Variants in VTCN1 observed in about 807,000 individuals in gnomAD.
VTCN1 encodes V-set domain containing T cell activation inhibitor 1.
In VTCN1, 26 loss-of-function variants were observed where a neutral mutation model predicts 26.5. The observed-to-expected ratio is 0.98, with a 90% CI of 0.72 to 1.36. VTCN1 has a LOEUF of 1.36. VTCN1 is among the 40% of genes most tolerant of loss of function. The pLI is 0.00. For synonymous variants in VTCN1, 116 were observed against 130.7 expected (o/e 0.89, Z 0.77); for missense variants, 298 against 337.7 (o/e 0.88, Z 0.92).
At chr1:117,196,615 GTC>G (rs1291148680) in intron 1 of VTCN1, among the ~76,000 whole-genome samples, 1 of 150,702 alleles carries the variant, frequency 6.6e-6, no homozygotes, top group East Asian at 1.9e-4. Context: ...TAAGAGTACA[GTC>G]TAACTCTTTT....
chr1:117,176,369 C>T (rs1452968879), intron 1 of VTCN1, among the ~76,000 whole-genome samples: 1 of 152,188 alleles, frequency 6.6e-6, no homozygotes, highest in Non-Finnish European at 1.5e-5. Context: ...GAAAAAGTGG[C>T]AGGAGGCCTC....
At chr1:117,190,528 C>G (rs1486728687) in intron 1 of VTCN1, among the ~76,000 whole-genome samples, 1 of 152,218 alleles carries the variant, frequency 6.6e-6, no homozygotes, top group Non-Finnish European at 1.5e-5. Flanking sequence ...CACCTGATAA[C>G]AAGCCCACTG....
chr1:117,194,044 T>A (rs571740401), intron 1 of VTCN1, among the ~76,000 whole-genome samples: 4 of 152,158 alleles, frequency 2.6e-5, no homozygotes, highest in Non-Finnish European at 5.9e-5. Flanking sequence ...AGAAATCTTC[T>A]GCACAGCGAA....
intron 1 of VTCN1, among the ~76,000 whole-genome samples, chr1:117,205,478 C>A (rs1649013278): frequency 6.6e-6 from 1 of 152,070 alleles, no homozygotes; most frequent in South Asian, 2.1e-4. Context: ...ATAATTCTTA[C>A]TGAGTTTCAG....
At position 117,153,103 on chromosome 1, in the gene VTCN1, T is replaced by C; in HGVS notation, c.712A>G (p.Ile238Val). 1 of 1,606,574 alleles carries C rather than the reference T, an allele frequency of 6.2e-7. No individual in the cohort carries two copies. Residue 238 changes from isoleucine to valine, a missense_variant, in exon 4 of 6, where the codon ATC (isoleucine) becomes GTC (valine). Ile to Val is a conservative substitution (Grantham distance 29). Coordinates refer to ENST00000369458, the MANE Select transcript of VTCN1 (RefSeq NM_024626.4). ...ENDIAKATGDIKVTESEIKRR... is the reference protein window; with the variant it reads ...ENDIAKATGDVKVTESEIKRR... ...TGCAGGAACCCACCTGTCACTTTGATATCCCCTGTTGCTTTGGCAATGTCA... is the reference window on the plus strand; with the variant it reads ...TGCAGGAACCCACCTGTCACTTTGACATCCCCTGTTGCTTTGGCAATGTCA...
At chr1:117,186,579 G>A (rs1476812346) in intron 1 of VTCN1, among the ~76,000 whole-genome samples, 1 of 152,200 alleles carries the variant, frequency 6.6e-6, no homozygotes, top group African/African-American at 2.4e-5. Flanking sequence ...TAGTTATTGT[G>A]AAGGAAAAGA....
Position 117,159,877 on chromosome 1 carries a change from C to T in VTCN1, c.98-2956G>A, listed in dbSNP as rs1315084549. Reference sequence around the variant, plus strand: ...TTGATTTTTGGTTTAAAATGAAAGCCACCCTCTCCTCTACTGACATACCAC... The same window carrying T: ...TTGATTTTTGGTTTAAAATGAAAGCTACCCTCTCCTCTACTGACATACCAC... On this transcript the variant is annotated intron_variant, in intron 2 of 5. Transcript: ENST00000369458. This position sits in a 1 kb window ranked among gnomAD's most constrained non-coding sequence, Gnocchi z 4.7. 6.6e-6 allele frequency among the ~76,000 whole-genome samples: 1 copy of T among 152,094 alleles called. No homozygotes were observed. Among genetic ancestry groups the T allele is most frequent in the African/African-American group, 2.4e-5 (1 of 41,414 alleles).
intron 1 of VTCN1, among the ~76,000 whole-genome samples, chr1:117,188,660 ACTGAGCTCAT>A (rs777606480): frequency 2.2e-4 from 34 of 152,212 alleles, no homozygotes; most frequent in Non-Finnish European, 4.3e-4. Flanking sequence ...TAAATGCTAA[ACTGAGCTCAT>A]CTGATTTTGG....
chr1:117,203,344 G>C (rs1648881353), intron 1 of VTCN1, among the ~76,000 whole-genome samples: 1 of 152,016 alleles, frequency 6.6e-6, no homozygotes, highest in Non-Finnish European at 1.5e-5. Context: ...ACAATGAGGA[G>C]GTGAGGCAGG....
chr1:117,188,919 T>C (rs1382152686), intron 1 of VTCN1, among the ~76,000 whole-genome samples: 1 of 152,184 alleles, frequency 6.6e-6, no homozygotes, highest in Non-Finnish European at 1.5e-5. Flanking sequence ...TCTTAATTAT[T>C]ATATATAAGT....
Position 117,146,826 on chromosome 1 carries a change from G to C in VTCN1, c.*45+787C>G, listed in dbSNP as rs1028461826. ...TTCAGAATACTTCGATTCTGGCACC[G>C]TGTTTCCTATCAGCTAAAACAGGGA... On this transcript the variant is annotated intron_variant, in intron 5 of 5. Coordinates refer to ENST00000369458, the MANE Select transcript of VTCN1 (RefSeq NM_024626.4). The surrounding 1 kb of genome is among the most constrained non-coding windows in gnomAD (Gnocchi z 4.2). Among the ~76,000 whole-genome samples, 1 of 152,154 alleles carries C rather than the reference G, an allele frequency of 6.6e-6. No individual in the cohort carries two copies. Among genetic ancestry groups the C allele is most frequent in the Non-Finnish European group, 1.5e-5 (1 of 68,022 alleles).
chr1:117,199,416 C>T (rs1648682508), intron 1 of VTCN1, among the ~76,000 whole-genome samples: 1 of 152,180 alleles, frequency 6.6e-6, no homozygotes, highest in African/African-American at 2.4e-5. Context: ...AACTCTGCCT[C>T]ACAGGCTCAA....
chr1:117,149,393 G>T (rs1303833457), intron 4 of VTCN1, among the ~76,000 whole-genome samples: 1 of 149,648 alleles, frequency 6.7e-6, no homozygotes, highest in Admixed American at 6.7e-5. Context: ...TTTCACATTT[G>T]CATCACCAAG....
chr1:117,173,525 T>C (rs1204913606), intron 1 of VTCN1, among the ~76,000 whole-genome samples: 1 of 152,214 alleles, frequency 6.6e-6, no homozygotes, highest in East Asian at 1.9e-4. Flanking sequence ...CCTGCAGACA[T>C]GTCCATCCTG....
At chr1:117,176,680 TA>T (rs1164534741) in intron 1 of VTCN1, among the ~76,000 whole-genome samples, 2 of 152,252 alleles carry the variant, frequency 1.3e-5, no homozygotes, top group Non-Finnish European at 2.9e-5. Flanking sequence ...TTTATTTGAA[TA>T]TACCAAGGAG....
chr1:117,193,768 T>G (rs1318055346), intron 1 of VTCN1, among the ~76,000 whole-genome samples: 1 of 152,048 alleles, frequency 6.6e-6, no homozygotes, highest in Non-Finnish European at 1.5e-5. Flanking sequence ...ACATAGAACA[T>G]TCCATCCAAC....
intron 2 of VTCN1, among the ~76,000 whole-genome samples, chr1:117,160,593 G>C (rs1652316968): frequency 6.6e-6 from 1 of 152,148 alleles, no homozygotes; most frequent in South Asian, 2.1e-4. Context: ...ATACATATTA[G>C]CCCTTATTGC....
At chr1:117,185,607 A>C (rs953448741) in intron 1 of VTCN1, among the ~76,000 whole-genome samples, 3 of 152,166 alleles carry the variant, frequency 2.0e-5, no homozygotes, top group African/African-American at 7.2e-5. Context: ...TTAGAATTCA[A>C]GAAAAGCCCA....
At position 117,147,910 on chromosome 1, in the gene VTCN1, C is replaced by A; in HGVS notation, c.725-128G>T. 1 of 1,271,124 alleles carries A rather than the reference C, an allele frequency of 7.9e-7. No homozygotes were observed. Among genetic ancestry groups the A allele is most frequent in the Non-Finnish European group, 1.1e-6 (1 of 929,820 alleles). 78.7% of individuals were successfully genotyped at this position (1,271,124 alleles called of 1,614,324 possible). Reference sequence around the variant, plus strand: ...GTTCCTAATTCAGGCAATTTTTTACCCCTTTGCCCACCTCTCCGTAACTGG... The same window carrying A: ...GTTCCTAATTCAGGCAATTTTTTACACCTTTGCCCACCTCTCCGTAACTGG... On this transcript the variant is annotated intron_variant, in intron 4 of 5. Transcript: ENST00000369458. The surrounding 1 kb of genome is among the most constrained non-coding windows in gnomAD (Gnocchi z 4.6).
Sources: allele counts gnomAD v4.1 joint callset (sites outside exome capture counted in the v4.1 genomes callset), GRCh38; gene constraint gnomAD v4.1.1; non-coding constraint Gnocchi (gnomAD v3.1); transcripts MANE v1.5; gene names NCBI Gene and HGNC (gene_info 2026-07-23, HGNC 2026-07-21).